The following RIBC2 variants were observed in gnomAD, a reference collection of about 807,000 sequenced individuals.
The protein encoded by RIBC2 is RIB43A domain with coiled-coils 2.
RIBC2 carries 40 observed loss-of-function variants against 44.3 expected under a neutral mutation model. The observed-to-expected ratio is 0.90, with a 90% confidence interval of 0.70 to 1.18. The LOEUF is 1.18. Among genes scored for constraint, RIBC2 ranks in the 50% most tolerant of loss-of-function variants. RIBC2 has a pLI of 0.00. For missense variants in RIBC2, 459 were observed against 485.5 expected, an observed-to-expected ratio of 0.95 and a Z score of 0.51; for synonymous variants, 171 against 175.0, an observed-to-expected ratio of 0.98 and a Z score of 0.18.
At position 45,414,486 on chromosome 22, in the gene RIBC2, GC is replaced by G. The variant is rs1214416001; in HGVS notation, c.211+85del. On this transcript the variant is annotated intron_variant, in intron 2 of 6. Transcript: ENST00000614167. ...GTCTTCCCCACCGTCCCCCTGCCCC[GC>G]CTTTTTTTTTTTATTTTTTATTTTT... is the stretch of plus-strand genomic sequence containing the variant. 10 of 884,954 alleles carry G rather than the reference GC, an allele frequency of 1.1e-5. No individual in the cohort carries two copies. In the East Asian group the frequency reaches 3.0e-4, roughly 27 times the overall value. The allele number at this position is 884,954 out of a possible 1,614,324, so 54.8% of individuals were successfully genotyped here.
chr22:45,429,678 C>T lies in RIBC2; in HGVS notation c.904-1222C>T, dbSNP rs976939350. ...AAGTAGTCCAAGGTGGAAAGGGCGC[C>T]GGGGCTGGAATGGGGGTCCAGGGCC... is the stretch of plus-strand genomic sequence containing the variant. On this transcript the variant is annotated intron_variant, in intron 5 of 6. Coordinates refer to ENST00000614167, the MANE Select transcript of RIBC2 (RefSeq NM_015653.5). Among the ~76,000 whole-genome samples, 14 of 152,078 alleles carry T rather than the reference C, an allele frequency of 9.2e-5. No individual in the cohort carries two copies. The South Asian group carries it at 1.2e-3, about 14-fold the overall frequency.
Position 45,426,137 on chromosome 22 carries a change from A to G in RIBC2, c.865A>G (p.Ile289Val). ...KGMTQEQLEQ[I>V]RLVQKQQIQE... Reference sequence around the variant, plus strand: ...CATGACCCAGGAGCAGCTGGAGCAGATCCGCCTAGTCCAGAAGCAGCAAAT... The same window carrying G: ...CATGACCCAGGAGCAGCTGGAGCAGGTCCGCCTAGTCCAGAAGCAGCAAAT... The change falls in exon 5 of 7, where the codon ATC becomes GTC. Residue 289 changes from isoleucine to valine, a missense_variant. By Grantham distance (29) the Ile-to-Val change is conservative. Coordinates refer to ENST00000614167, the MANE Select transcript of RIBC2 (RefSeq NM_015653.5). 6.2e-7 allele frequency: 1 copy of G among 1,613,920 alleles called. No individual in the cohort carries two copies. The highest frequency in any genetic ancestry group is 2.2e-5 in the East Asian group (1 of 44,884).
chr22:45,417,158 C>T (rs1277258533), intron 2 of RIBC2, among the ~76,000 whole-genome samples: 1 of 152,122 alleles, frequency 6.6e-6, no homozygotes, highest in Non-Finnish European at 1.5e-5. Context: ...ACCTCGGGCT[C>T]CCAAAGTGTT....
intron 6 of RIBC2, among the ~76,000 whole-genome samples, chr22:45,431,948 G>A (rs1434341488): frequency 6.6e-6 from 1 of 152,200 alleles, no homozygotes; most frequent in Admixed American, 6.5e-5. Flanking sequence ...ACTCCACCCT[G>A]GGTGGCAGAG....
rs111782263 is a variant in RIBC2, at chr22:45,417,727, C to A, written c.337C>A (p.Arg113Ser). ...QQSFQKPETR[R>S]EFDLSDPLAL... ...GAGCTTTCAGAAGCCAGAAACTCGC[C>A]GTGAATTTGATCTGTCCGACCCCCT... Residue 113 changes from arginine to serine, a missense_variant, in exon 3 of 7, where the codon CGT (arginine) becomes AGT (serine). Coordinates refer to ENST00000614167, the MANE Select transcript of RIBC2 (RefSeq NM_015653.5). 2.5e-6 allele frequency: 4 copies of A among 1,614,102 alleles called. No individual in the cohort carries two copies. The highest frequency in any genetic ancestry group is 3.4e-6 in the Non-Finnish European group (4 of 1,180,032).
At chr22:45,414,764 G>T (rs886284762) in intron 2 of RIBC2, among the ~76,000 whole-genome samples, 1 of 152,110 alleles carries the variant, frequency 6.6e-6, no homozygotes. Context: ...TATTGAATTC[G>T]AATGTGGATT....
At chr22:45,414,217 C>T in intron 1 of RIBC2, 105 bp from the exon 2 acceptor site, 1 of 1,488,016 alleles carries the variant, frequency 6.7e-7, no homozygotes, top group Non-Finnish European at 8.9e-7. Context: ...TTTTCTACAA[C>T]TCGTTTACAG....
At chr22:45,414,060 G>A in intron 1 of RIBC2, 45 bp downstream of exon 1, 2 of 1,546,466 alleles carry the variant, frequency 1.3e-6, no homozygotes, top group Non-Finnish European at 1.7e-6. Flanking sequence ...GCAGATGCGG[G>A]CGAGGGGCTG....
At chr22:45,421,182 C>T (rs1293157144) in intron 3 of RIBC2, among the ~76,000 whole-genome samples, 2 of 151,808 alleles carry the variant, frequency 1.3e-5, no homozygotes, top group Non-Finnish European at 2.9e-5. Context: ...GTAATCTCAG[C>T]TACCCCGGAG....
intron 4 of RIBC2, among the ~76,000 whole-genome samples, chr22:45,423,753 C>T (rs575731601): frequency 6.6e-6 from 1 of 152,116 alleles, no homozygotes. Context: ...TCCGAGCTCA[C>T]CACCCAGTGA....
chr22:45,429,711 G>A (rs530928130), intron 5 of RIBC2, among the ~76,000 whole-genome samples: 1 of 152,336 alleles, frequency 6.6e-6, no homozygotes, highest in African/African-American at 2.4e-5. Flanking sequence ...GCCCTGCTCT[G>A]TGCTTCAGGA....
intron 3 of RIBC2, 50 bp downstream of exon 3, chr22:45,417,996 C>A: frequency 1.7e-6 from 2 of 1,171,986 alleles, no homozygotes; most frequent in Non-Finnish European, 1.2e-6. Flanking sequence ...TTCAACAAAC[C>A]AACCCTACAG....
At chr22:45,424,701 G>T (rs892388838) in intron 4 of RIBC2, among the ~76,000 whole-genome samples, 1 of 151,886 alleles carries the variant, frequency 6.6e-6, no homozygotes, top group Non-Finnish European at 1.5e-5. Flanking sequence ...GCTAGTCCCC[G>T]CAGGCTTCCT....
chr22:45,417,735 T>C lies in RIBC2; in HGVS notation c.345T>C (p.Phe115=). 1 of 1,614,190 alleles carries C rather than the reference T, an allele frequency of 6.2e-7. No individual in the cohort carries two copies. Among genetic ancestry groups the C allele is most frequent in the Non-Finnish European group, 8.5e-7 (1 of 1,180,040 alleles). Residue 115 remains phenylalanine (F), a synonymous_variant, in exon 3 of 7, where the codon TTT becomes TTC. Coordinates refer to ENST00000614167, the MANE Select transcript of RIBC2 (RefSeq NM_015653.5). ...SFQKPETRRE[F]DLSDPLALKK... ...AGAAGCCAGAAACTCGCCGTGAATTTGATCTGTCCGACCCCCTAGCCCTTA... is the reference window on the plus strand; with the variant it reads ...AGAAGCCAGAAACTCGCCGTGAATTCGATCTGTCCGACCCCCTAGCCCTTA...
chr22:45,430,828 C>T (rs2087572488), intron 5 of RIBC2, 72 bp from the exon 6 acceptor site: 1 of 1,437,164 alleles, frequency 7.0e-7, no homozygotes, highest in Non-Finnish European at 9.2e-7. Flanking sequence ...AGAGGCCAGG[C>T]CTCCTAGATA....
At chr22:45,431,153 G>C in intron 6 of RIBC2, 87 bp downstream of exon 6, 1 of 1,447,750 alleles carries the variant, frequency 6.9e-7, no homozygotes, top group African/African-American at 1.4e-5. Context: ...GAGGGGGCAG[G>C]AGGGGAAACA....
intron 5 of RIBC2, 27 bp from the exon 6 acceptor site, chr22:45,430,873 G>A (rs2087572939): frequency 6.5e-7 from 1 of 1,535,016 alleles, no homozygotes; most frequent in Non-Finnish European, 8.8e-7. Context: ...GGGAAAGGTG[G>A]TGGTGAGCCG....
intron 5 of RIBC2, among the ~76,000 whole-genome samples, chr22:45,430,605 C>T (rs1425868990): frequency 2.6e-5 from 4 of 152,154 alleles, no homozygotes; most frequent in Non-Finnish European, 5.9e-5. Flanking sequence ...CACCTGGGAG[C>T]CCTGCACCCC....
intron 2 of RIBC2, among the ~76,000 whole-genome samples, chr22:45,416,316 C>T (rs548259096): frequency 6.6e-6 from 1 of 151,750 alleles, no homozygotes; most frequent in African/African-American, 2.4e-5. Flanking sequence ...AATGACTGTC[C>T]AAGAATTGTG....
Sources: allele counts gnomAD v4.1 joint callset (sites outside exome capture counted in the v4.1 genomes callset), GRCh38; gene constraint gnomAD v4.1.1; transcripts MANE v1.5; gene names NCBI Gene and HGNC (gene_info 2026-07-23, HGNC 2026-07-21).